Variants in DUOX1 observed in about 807,000 individuals in gnomAD.
DUOX1 encodes NADPH thyroid oxidase 1.
A neutral mutation model predicts 181.8 loss-of-function variants in DUOX1; 134 were observed. The observed-to-expected ratio is 0.74, with a 90% CI of 0.64 to 0.85. The LOEUF is 0.85. Ranked by LOEUF, DUOX1 falls within the 40% of genes least tolerant of loss-of-function variation. DUOX1 has a pLI of 0.00. For missense variants in DUOX1, 1,814 were observed against 2,064.4 expected, an observed-to-expected ratio of 0.88 and a Z score of 2.35; for synonymous variants, 798 against 832.5, an observed-to-expected ratio of 0.96 and a Z score of 0.71.
chr15:45,143,448 A>G, intron 16 of DUOX1, 145 bp downstream of exon 16: 1 of 646,692 alleles, frequency 1.5e-6, no homozygotes. Context: ...CAGAAGTTGG[A>G]CATGGAGTCC....
chr15:45,155,598 A>C, intron 27 of DUOX1: 4 of 606,508 alleles, frequency 6.6e-6, no homozygotes, highest in African/African-American at 1.9e-5. Context: ...AATCATGGTG[A>C]CAAGGGCTAT....
At chr15:45,133,432 G>A (rs534434683) in intron 2 of DUOX1, among the ~76,000 whole-genome samples, 11 of 152,290 alleles carry the variant, frequency 7.2e-5, no homozygotes, top group South Asian at 6.2e-4. Flanking sequence ...GTCCTTCTCC[G>A]GTATGGAGTG....
rs1304159852 is a variant in DUOX1, at chr15:45,144,239, T to C, written c.2136+4T>C. The C allele has an allele frequency of 6.2e-7, 1 of 1,613,818 alleles. No individual in the cohort carries two copies. On this transcript the variant is annotated splice_donor_region_variant and intron_variant, in intron 17 of 33. Transcript: ENST00000389037. Reference sequence around the variant, plus strand: ...GATCCCCAAGGAGTATGACCTGGTATGGCTCAGCTGGCATCTGGCTCCTTG... The same window carrying C: ...GATCCCCAAGGAGTATGACCTGGTACGGCTCAGCTGGCATCTGGCTCCTTG...
At chr15:45,155,622 T>C in intron 27 of DUOX1, 180 bp from the exon 28 acceptor site, 1 of 722,544 alleles carries the variant, frequency 1.4e-6, no homozygotes. Flanking sequence ...AAGTGAACAA[T>C]GTCTGCTGAA....
In DUOX1 at chr15:45,136,540, T is replaced by C. The variant is rs1308173853; in HGVS notation, c.937T>C (p.Phe313Leu). The stretch of plus-strand genomic sequence containing the variant: ...TCCTATTTCCCCAGGATACCGGCCA[T>C]TTCTGGACCCCAGCATCTCCTCAGA... ...TLPEYTGYRP[F>L]LDPSISSEFV... Residue 313 changes from phenylalanine (F) to leucine (L), a missense_variant, in exon 9 of 34, where the codon TTT becomes CTT. Coordinates refer to ENST00000389037, the MANE Select transcript of DUOX1 (RefSeq NM_175940.3). 5 of 1,614,000 alleles carry C rather than the reference T, an allele frequency of 3.1e-6. No homozygotes were observed. The highest frequency in any genetic ancestry group is 4.2e-6 in the Non-Finnish European group (5 of 1,180,030).
rs907754600 is a variant in DUOX1, at chr15:45,165,131, G to A, written c.*230G>A. 1 of 570,970 alleles carries A rather than the reference G, an allele frequency of 1.8e-6. No individual in the cohort carries two copies. Among genetic ancestry groups the A allele is most frequent in the African/African-American group, 1.9e-5 (1 of 53,452 alleles). The allele number at this position is 570,970 out of a possible 1,614,324, so 35.4% of individuals were successfully genotyped here. A position where few individuals can be genotyped will look rare whatever the true frequency, so the allele number is the denominator to read the frequency against. On this transcript the variant is annotated 3_prime_UTR_variant, in exon 34 of 34. Coordinates refer to ENST00000389037, the MANE Select transcript of DUOX1 (RefSeq NM_175940.3). The stretch of plus-strand genomic sequence containing the variant: ...GGGGGCAGTGTCTAGGGACTAGAGT[G>A]AGAAGTAGGGGAGCTACTGATTTGG...
In DUOX1 at chr15:45,162,208, C is replaced by T. The variant is rs1017853616; in HGVS notation, c.4090-11C>T. On this transcript the variant is annotated splice_polypyrimidine_tract_variant and intron_variant, in intron 30 of 33. Coordinates refer to ENST00000389037, the MANE Select transcript of DUOX1 (RefSeq NM_175940.3). ...GCCAAGCTTAACTGAAACCCACGCC[C>T]CTCCCTACAGCTGTACCTTGATGGA... The T allele has an allele frequency of 3.1e-6, 5 of 1,596,792 alleles. No homozygotes were observed. The highest frequency in any genetic ancestry group is 4.3e-6 in the Non-Finnish European group (5 of 1,170,138).
intron 15 of DUOX1, 33 bp downstream of exon 15, chr15:45,142,145 A>T: frequency 2.5e-6 from 4 of 1,602,980 alleles, no homozygotes; most frequent in Non-Finnish European, 2.6e-6. Context: ...GTGGGGTGAG[A>T]GATGCAAGCT....
intron 18 of DUOX1, 122 bp downstream of exon 18, chr15:45,145,202 C>T: frequency 4.1e-6 from 4 of 969,716 alleles, no homozygotes; most frequent in East Asian, 5.5e-5. Context: ...AAGTCTATTG[C>T]AATTTTGGAT....
At position 45,134,139 on chromosome 15, in the gene DUOX1, C is replaced by A. The variant is rs201606938; in HGVS notation, c.143-6C>A. On this transcript the variant is annotated splice_region_variant and splice_polypyrimidine_tract_variant and intron_variant, in intron 3 of 33. Coordinates refer to ENST00000389037, the MANE Select transcript of DUOX1 (RefSeq NM_175940.3). ...TTCATCCTTATCCTTACCCCTCCTA[C>A]CCCAGGCTCCCGGCTGCAGCGCCTG... The A allele has an allele frequency of 1.3e-4, 199 of 1,550,076 alleles. 1 individual carries two copies. Among genetic ancestry groups the A allele is most frequent in the Middle Eastern group, 1.7e-4 (1 of 5,746 alleles).
intron 27 of DUOX1, 109 bp from the exon 28 acceptor site, chr15:45,155,693 T>G: frequency 2.6e-6 from 4 of 1,522,360 alleles, no homozygotes; most frequent in Non-Finnish European, 3.6e-6. Context: ...TGCTGGGACA[T>G]TCTTACTCCA....
rs1320766337 is a variant in DUOX1 at position 45,135,656 on chromosome 15, C to T, written c.678C>T (p.Asn226=). Residue 226 remains asparagine (N), a synonymous_variant, in exon 6 of 34, where the codon AAC becomes AAT. Coordinates refer to ENST00000389037, the MANE Select transcript of DUOX1 (RefSeq NM_175940.3). ...WAAPDPATGQ[N]GPRGLYAFGA... ...CGCCCGACCCCGCCACCGGGCAGAA[C>T]GGGCCCCGGGGGCTGTACGGTGAGG... The T allele has an allele frequency of 1.9e-5, 28 of 1,510,126 alleles. No homozygotes were observed. Among genetic ancestry groups the T allele is most frequent in the African/African-American group, 5.5e-5 (4 of 72,286 alleles). The allele number at this position is 1,510,126 out of a possible 1,614,324, so 93.5% of individuals were successfully genotyped here.
At chr15:45,158,725 AAAAAG>A (rs1317782408) in intron 28 of DUOX1, among the ~76,000 whole-genome samples, 1 of 151,056 alleles carries the variant, frequency 6.6e-6, no homozygotes, top group African/African-American at 2.4e-5. Flanking sequence ...AAAAAAAAAA[AAAAAG>A]CAGCTATCTG....
At position 45,153,495 on chromosome 15, in the gene DUOX1, T is replaced by G; in HGVS notation, c.3524+16T>G. On this transcript the variant is annotated intron_variant, in intron 26 of 33. Transcript: ENST00000389037. The stretch of plus-strand genomic sequence containing the variant: ...ATGATGATGGGTGAGTAAGTGCGAA[T>G]GTGTGTGTGTGTGTGTGTGTGTGTG... 1 of 82,180 alleles carries G rather than the reference T, an allele frequency of 1.2e-5. No homozygotes were observed. The highest frequency in any genetic ancestry group is 1.9e-5 in the Non-Finnish European group (1 of 52,270). 5.1% of individuals were successfully genotyped at this position (82,180 alleles called of 1,614,324 possible).
At chr15:45,142,403 G>A (rs987563295) in intron 15 of DUOX1, among the ~76,000 whole-genome samples, 9 of 152,174 alleles carry the variant, frequency 5.9e-5, no homozygotes, top group Admixed American at 5.9e-4. Context: ...TGAGCCTAGA[G>A]GACTGTCAGA....
chr15:45,164,432 T>C (rs1032052620), intron 33 of DUOX1, among the ~76,000 whole-genome samples: 1 of 151,262 alleles, frequency 6.6e-6, no homozygotes, highest in Admixed American at 6.6e-5. Context: ...TCACCATGCA[T>C]AGTACAAAGC....
At position 45,135,547 on chromosome 15, in the gene DUOX1, G is replaced by A. The variant is rs1027822921; in HGVS notation, c.569G>A (p.Arg190Gln). 2.6e-6 allele frequency: 4 copies of A among 1,558,634 alleles called. No homozygotes were observed. Among genetic ancestry groups the A allele is most frequent in the East Asian group, 2.4e-5 (1 of 41,814 alleles). The change falls in exon 6 of 34, where the codon CGG becomes CAG. Residue 190 changes from arginine to glutamine, a missense_variant. By Grantham distance (43) the Arg-to-Gln change is conservative. This residue lies in a region of DUOX1 where 320 missense variants were observed against 313.1 expected (regional missense o/e 1.02). Coordinates refer to ENST00000389037, the MANE Select transcript of DUOX1 (RefSeq NM_175940.3). ...TCGCATTCCTGGAGCGACGCGCTGCGGAGCTTCTCCAGGGGACAGCTGGCG... is the reference window on the plus strand; with the variant it reads ...TCGCATTCCTGGAGCGACGCGCTGCAGAGCTTCTCCAGGGGACAGCTGGCG... ...GSSHSWSDAL[R>Q]SFSRGQLASG...
intron 1 of DUOX1, among the ~76,000 whole-genome samples, chr15:45,130,404 G>C (rs2141244712): frequency 6.6e-6 from 1 of 152,268 alleles, no homozygotes; most frequent in East Asian, 1.9e-4. Context: ...GGAGCTTTGG[G>C]CTTTAGGATC....
chr15:45,145,010 T>G lies in DUOX1; in HGVS notation c.2252T>G (p.Met751Arg), dbSNP rs767953890. ...TGGGAGCTGCGGGAGCAGGAGCTGA[T>G]GAGAGCAGCTGTGACACGGGAGCAG... ...QEWELREQELMRAAVTREQRR... is the reference protein window; with the variant it reads ...QEWELREQELRRAAVTREQRR... Residue 751 changes from methionine to arginine, a missense_variant, in exon 18 of 34, where the codon ATG becomes AGG. Met to Arg is a moderately conservative substitution (Grantham distance 91). Around this residue, in one of 5 missense-constraint regions of DUOX1, gnomAD observed 1,064 missense variants for 1,152.9 expected, o/e 0.92. Transcript: ENST00000389037. 19 of 1,613,910 alleles carry G rather than the reference T, an allele frequency of 1.2e-5. No homozygotes were observed. The Middle Eastern group carries it at 5.0e-4, about 42-fold the overall frequency.
Sources: gnomAD v4.1 joint callset for allele counts (sites outside exome capture counted in the v4.1 genomes callset) on GRCh38, gnomAD v4.1.1 for gene constraint, gnomAD v4.1.1 regional missense constraint, MANE v1.5 for transcripts, NCBI Gene and HGNC (gene_info 2026-07-23, HGNC 2026-07-21) for gene names.